The following SFXN5 variants were observed in gnomAD, a reference collection of about 807,000 sequenced individuals.
The protein encoded by SFXN5 is sideroflexin 5.
In SFXN5, 43 loss-of-function variants were observed where a neutral mutation model predicts 50.2. The observed-to-expected ratio is 0.86, with a 90% CI of 0.67 to 1.11. SFXN5 has a LOEUF of 1.11. Among genes scored for constraint, SFXN5 ranks in the 50% least tolerant of loss-of-function variants. SFXN5 has a pLI of 0.00. For missense variants in SFXN5, 463 were observed against 454.1 expected (o/e 1.02, Z -0.18); for synonymous variants, 203 against 185.8 (o/e 1.09, Z -0.75).
At chr2:73,033,577 T>C (rs953109592) in intron 3 of SFXN5, among the ~76,000 whole-genome samples, 7 of 152,188 alleles carry the variant, frequency 4.6e-5, no homozygotes, top group African/African-American at 1.7e-4. Context: ...ATTGCTCTGG[T>C]AGACAGAACA....
At chr2:72,959,416 T>C (rs1471444486) in intron 13 of SFXN5, among the ~76,000 whole-genome samples, 1 of 152,042 alleles carries the variant, frequency 6.6e-6, no homozygotes. Flanking sequence ...CAGGCCCGGC[T>C]GCACTCCCAG....
At chr2:72,967,870 C>A (rs577148780) in intron 12 of SFXN5, among the ~76,000 whole-genome samples, 32 of 152,306 alleles carry the variant, frequency 2.1e-4, no homozygotes, top group African/African-American at 7.7e-4. Context: ...AATCACTCCA[C>A]TACTGTTACT....
Position 72,950,823 on chromosome 2 carries a change from G to A in SFXN5, c.946-5724C>T, listed in dbSNP as rs993251968. ...GGCCAGAGCCCCAGGGCAGTGGGTC[G>A]AGGGGCAGGGACTTGGCTGTGACCA... On this transcript the variant is annotated intron_variant, in intron 13 of 13. Transcript: ENST00000272433. The surrounding 1 kb of genome is among the most constrained non-coding windows in gnomAD (Gnocchi z 4.2). Among the ~76,000 whole-genome samples the A allele has an allele frequency of 1.3e-5, 2 of 152,376 alleles. No individual in the cohort carries two copies. Among genetic ancestry groups the A allele is most frequent in the African/African-American group, 2.4e-5 (1 of 41,594 alleles).
At chr2:73,009,541 T>C (rs10169188) in intron 6 of SFXN5, among the ~76,000 whole-genome samples, 4,679 of 152,284 alleles carry the variant, frequency 0.031, 235 homozygotes, top group African/African-American at 0.11. Context: ...TAGGTGAGCA[T>C]TGTCATTTCA....
intron 13 of SFXN5, among the ~76,000 whole-genome samples, chr2:72,955,860 C>T (rs922179700): frequency 6.6e-6 from 1 of 152,258 alleles, no homozygotes; most frequent in African/African-American, 2.4e-5. Context: ...AGAAAGGCCA[C>T]CACAATCTGG....
intron 10 of SFXN5, among the ~76,000 whole-genome samples, chr2:72,975,412 G>C (rs1670520541): frequency 6.6e-6 from 1 of 152,190 alleles, no homozygotes; most frequent in Non-Finnish European, 1.5e-5. Flanking sequence ...TCACCCATCT[G>C]TCAGGGAAAT....
intron 3 of SFXN5, among the ~76,000 whole-genome samples, chr2:73,029,060 C>G (rs994814467): frequency 6.6e-6 from 1 of 152,196 alleles, no homozygotes; most frequent in Non-Finnish European, 1.5e-5. Context: ...GTCAAGTGGC[C>G]TCCTGGGACC....
intron 10 of SFXN5, among the ~76,000 whole-genome samples, chr2:72,978,062 A>C (rs1261805748): frequency 2.0e-5 from 3 of 151,490 alleles, no homozygotes; most frequent in Non-Finnish European, 4.4e-5. Flanking sequence ...TTTTCTTCCA[A>C]AGGTTTTAAT....
At chr2:73,064,821 T>C (rs1378225697) in intron 1 of SFXN5, among the ~76,000 whole-genome samples, 1 of 152,186 alleles carries the variant, frequency 6.6e-6, no homozygotes, top group African/African-American at 2.4e-5. Context: ...CAGTCTCACT[T>C]TGTCACCCAG....
rs536773969 is a variant in SFXN5, at chr2:73,004,310, C to T, written c.358-2732G>A. Reference sequence around the variant, plus strand: ...GAAAGCCAGAGGAGAGGAATGAGTGCGCGCGCACACACACACACACACACA... The same window carrying T: ...GAAAGCCAGAGGAGAGGAATGAGTGTGCGCGCACACACACACACACACACA... On this transcript the variant is annotated intron_variant, in intron 6 of 13. Transcript: ENST00000272433. Among the ~76,000 whole-genome samples, 7 of 92,960 alleles carry T rather than the reference C, an allele frequency of 7.5e-5. No individual in the cohort carries two copies. The South Asian group carries it at 9.6e-4, about 13-fold the overall frequency. The allele number at this position is 92,960 out of a possible 152,430, so 61.0% of individuals were successfully genotyped here.
chr2:72,984,476 A>C, intron 10 of SFXN5, among the ~76,000 whole-genome samples: 1 of 152,266 alleles, frequency 6.6e-6, no homozygotes, highest in East Asian at 1.9e-4. Context: ...GTGAGGGGTT[A>C]TCTCACAGGG....
intron 2 of SFXN5, among the ~76,000 whole-genome samples, chr2:73,050,763 T>C (rs755216045): frequency 5.3e-5 from 8 of 152,252 alleles, no homozygotes; most frequent in Non-Finnish European, 8.8e-5. Context: ...CCTTATCAAA[T>C]GGTCACTTGG....
At chr2:72,970,296 A>G (rs1481196981) in intron 11 of SFXN5, among the ~76,000 whole-genome samples, 1 of 152,186 alleles carries the variant, frequency 6.6e-6, no homozygotes, top group Non-Finnish European at 1.5e-5. Context: ...GGCCTGGGAG[A>G]GGCCCCTCCA....
chr2:72,957,278 C>T (rs1034410866), intron 13 of SFXN5, among the ~76,000 whole-genome samples: 2 of 152,164 alleles, frequency 1.3e-5, no homozygotes, highest in African/African-American at 4.8e-5. Flanking sequence ...TAAGGTACAC[C>T]GAGCTCCCAG....
chr2:72,973,707 C>A lies in SFXN5; in HGVS notation c.626-2022G>T, dbSNP rs995730746. ...ATATCTCTCCCGCCTCAGCCCCAGG[C>A]GCCCAGGGCTCAGGGCCCAGAAGGG... On this transcript the variant is annotated intron_variant, in intron 10 of 13. Transcript: ENST00000272433. The surrounding 1 kb of genome is among the most constrained non-coding windows in gnomAD (Gnocchi z 5.5). 6.6e-6 allele frequency among the ~76,000 whole-genome samples: 1 copy of A among 152,186 alleles called. No individual in the cohort carries two copies. The highest frequency in any genetic ancestry group is 2.4e-5 in the African/African-American group (1 of 41,448).
At chr2:73,027,449 A>G (rs1184306798) in intron 3 of SFXN5, among the ~76,000 whole-genome samples, 1 of 152,240 alleles carries the variant, frequency 6.6e-6, no homozygotes, top group Non-Finnish European at 1.5e-5. Context: ...GTAGAGCTAC[A>G]GTAAGCTAAG....
chr2:72,975,276 G>A (rs527456077), intron 10 of SFXN5, among the ~76,000 whole-genome samples: 2 of 152,342 alleles, frequency 1.3e-5, no homozygotes, highest in Non-Finnish European at 2.9e-5. Flanking sequence ...TGGGGAGGAA[G>A]AAAGAGCAGT....
chr2:72,972,266 G>T (rs1378522058), intron 10 of SFXN5, among the ~76,000 whole-genome samples: 1 of 152,230 alleles, frequency 6.6e-6, no homozygotes, highest in African/African-American at 2.4e-5. Context: ...CAGAGAAGAG[G>T]AGTGACTTAT....
intron 3 of SFXN5, among the ~76,000 whole-genome samples, chr2:73,026,614 A>G (rs1199898536): frequency 2.0e-5 from 3 of 152,230 alleles, no homozygotes; most frequent in African/African-American, 7.2e-5. Flanking sequence ...GTGTAAACCA[A>G]CCTACTGCAT....
Sources: allele counts gnomAD v4.1 joint callset (sites outside exome capture counted in the v4.1 genomes callset), GRCh38; gene constraint gnomAD v4.1.1; non-coding constraint Gnocchi (gnomAD v3.1); transcripts MANE v1.5; gene names NCBI Gene and HGNC (gene_info 2026-07-23, HGNC 2026-07-21).